The following IPO8 variants were observed in gnomAD, a reference collection of about 807,000 sequenced individuals.
IPO8 encodes importin 8.
In IPO8, 65 loss-of-function variants were observed where a neutral mutation model predicts 141.2. The observed-to-expected ratio is 0.46, with a 90% CI of 0.38 to 0.57. The LOEUF (loss-of-function observed/expected upper bound fraction) is 0.57. Among genes scored for constraint, IPO8 ranks in the 20% least tolerant of loss-of-function variants. The pLI is 0.00. For missense variants in IPO8, 980 were observed against 1,246.8 expected (o/e 0.79, Z 3.22); for synonymous variants, 411 against 420.3 (o/e 0.98, Z 0.27).
At position 30,629,888 on chromosome 12, in the gene IPO8, C is replaced by G. The variant is rs892585606; in HGVS notation, c.*972G>C. The G allele has an allele frequency of 2.6e-5, 4 of 152,104 alleles. No individual in the cohort carries two copies. Among genetic ancestry groups the G allele is most frequent in the Non-Finnish European group, 5.9e-5 (4 of 68,004 alleles). The allele number at this position is 152,104 out of a possible 1,614,324, so 9.4% of individuals were successfully genotyped here. A position where few individuals can be genotyped will look rare whatever the true frequency, so the allele number is the denominator to read the frequency against. The stretch of plus-strand genomic sequence containing the variant: ...AAAATATTATAAAATGCTTTGGACC[C>G]TAGTCCAACATAGCTGGAATGATAA... On this transcript the variant is annotated 3_prime_UTR_variant, in exon 25 of 25. Transcript: ENST00000256079.
intron 20 of IPO8, among the ~76,000 whole-genome samples, chr12:30,644,372 T>TTA (rs1555113701): frequency 6.9e-6 from 1 of 145,122 alleles, no homozygotes; most frequent in African/African-American, 2.6e-5. Context: ...CAATCTCCAT[T>TTA]AAAAAAAAAA....
At chr12:30,691,715 C>A (rs116174760) in intron 1 of IPO8, among the ~76,000 whole-genome samples, 2,385 of 152,300 alleles carry the variant, frequency 0.016, 62 homozygotes, top group African/African-American at 0.054. Context: ...CCTTTCAATA[C>A]ACAGCTAGGT....
chr12:30,671,226 T>C (rs2053044051), intron 8 of IPO8, 130 bp from the exon 9 acceptor site: 1 of 609,462 alleles, frequency 1.6e-6, no homozygotes, highest in Non-Finnish European at 2.9e-6. Context: ...AAAATCAATG[T>C]TTTGTAAGAA....
chr12:30,690,794 A>AT (rs964044802), intron 1 of IPO8, among the ~76,000 whole-genome samples: 8 of 152,180 alleles, frequency 5.3e-5, no homozygotes, highest in South Asian at 2.1e-4. Flanking sequence ...CATTTTTATG[A>AT]TTTTTTTTAA....
chr12:30,666,145 G>A, intron 11 of IPO8, 30 bp downstream of exon 11: 5 of 1,390,666 alleles, frequency 3.6e-6, no homozygotes, highest in Non-Finnish European at 5.0e-6. Context: ...CCACCTTTCA[G>A]TTTTGGATTT....
At chr12:30,650,978 A>C (rs2052719135) in intron 19 of IPO8, among the ~76,000 whole-genome samples, 1 of 152,090 alleles carries the variant, frequency 6.6e-6, no homozygotes, top group South Asian at 2.1e-4. Context: ...AGAATTCGAC[A>C]AATATTAGCT....
In IPO8 at chr12:30,665,112, C is replaced by CT. The variant is rs553607165; in HGVS notation, c.1428+107dup. On this transcript the variant is annotated intron_variant, in intron 13 of 24. Transcript: ENST00000256079. ...CCATAGGCAGACATTCTAATTGACT[C>CT]TATTTCATCTCAATATGTGGCAAAA... 2.7e-4 allele frequency: 179 copies of CT among 656,254 alleles called. 1 individual carries two copies. In the South Asian group the frequency reaches 3.4e-3, roughly 12 times the overall value. The allele number at this position is 656,254 out of a possible 1,614,324, so 40.7% of individuals were successfully genotyped here.
chr12:30,644,385 G>T (rs1335819988), intron 20 of IPO8, among the ~76,000 whole-genome samples: 2 of 146,130 alleles, frequency 1.4e-5, no homozygotes, highest in Non-Finnish European at 1.5e-5. Context: ...AAAAAAAAAG[G>T]TTTTTAAATA....
intron 20 of IPO8, among the ~76,000 whole-genome samples, chr12:30,643,701 T>C (rs1450295498): frequency 6.6e-6 from 1 of 152,144 alleles, no homozygotes; most frequent in South Asian, 2.1e-4. Flanking sequence ...CCCATGAGAG[T>C]AGGTTGTTAT....
rs746597216 is a variant in IPO8, at chr12:30,630,818, T to G, written c.*42A>C. The G allele has an allele frequency of 6.6e-7, 1 of 1,507,010 alleles. No homozygotes were observed. Among genetic ancestry groups the G allele is most frequent in the Non-Finnish European group, 9.2e-7 (1 of 1,085,598 alleles). 93.4% of individuals were successfully genotyped at this position (1,507,010 alleles called of 1,614,324 possible). On this transcript the variant is annotated 3_prime_UTR_variant, in exon 25 of 25. Coordinates refer to ENST00000256079, the MANE Select transcript of IPO8 (RefSeq NM_006390.4). ...TGACCCTCACACTCCTCTTGTGAAA[T>G]AAAATGCAGCGATGACATTTGGTCA...
At chr12:30,649,324 A>G in intron 19 of IPO8, 92 bp from the exon 20 acceptor site, 2 of 842,582 alleles carry the variant, frequency 2.4e-6, no homozygotes, top group Non-Finnish European at 3.7e-6. Context: ...AAATTCAGCC[A>G]TAGGAACCAC....
intron 2 of IPO8, among the ~76,000 whole-genome samples, chr12:30,684,808 A>C (rs2053223564): frequency 6.6e-6 from 1 of 152,204 alleles, no homozygotes; most frequent in Non-Finnish European, 1.5e-5. Context: ...ACTTTCCTTC[A>C]TGAAGATGGC....
intron 16 of IPO8, among the ~76,000 whole-genome samples, chr12:30,657,556 ATAT>A (rs2052818200): frequency 6.6e-6 from 1 of 152,166 alleles, no homozygotes; most frequent in Admixed American, 6.5e-5. Flanking sequence ...CCCTTCACAC[ATAT>A]TATGTGTGCA....
At chr12:30,694,923 G>A (rs1006234347) in intron 1 of IPO8, 2 of 452,310 alleles carry the variant, frequency 4.4e-6, no homozygotes, top group South Asian at 3.1e-5. Context: ...ACGGAGAAAA[G>A]AAAGAAGTCT....
intron 2 of IPO8, among the ~76,000 whole-genome samples, chr12:30,685,500 TTGTGTG>T (rs112645384): frequency 1.8e-4 from 27 of 148,660 alleles, no homozygotes; most frequent in African/African-American, 4.4e-4. Context: ...ACTTATAATG[TTGTGTG>T]TGTGTGTGTG....
At chr12:30,680,678 CA>C in intron 4 of IPO8, 40 bp from the exon 5 acceptor site, 1 of 1,511,318 alleles carries the variant, frequency 6.6e-7, no homozygotes, top group Non-Finnish European at 9.0e-7. Flanking sequence ...TAATTTTTCC[CA>C]CCCAAAGAAC....
At chr12:30,662,652 C>T (rs776317583) in intron 14 of IPO8, 165 bp from the exon 15 acceptor site, 9 of 649,010 alleles carry the variant, frequency 1.4e-5, no homozygotes, top group Non-Finnish European at 1.9e-5. Context: ...ATAATGTTCA[C>T]CAATATATCA....
Position 30,630,789 on chromosome 12 carries a change from C to T in IPO8, c.*71G>A. On this transcript the variant is annotated 3_prime_UTR_variant, in exon 25 of 25. Coordinates refer to ENST00000256079, the MANE Select transcript of IPO8 (RefSeq NM_006390.4). ...CCTAAAAGCAGCCCCTCATTTCATC[C>T]CCTTGACCCTCACACTCCTCTTGTG... 7.9e-7 allele frequency: 1 copy of T among 1,263,428 alleles called. No individual in the cohort carries two copies. The highest frequency in any genetic ancestry group is 1.2e-5 in the South Asian group (1 of 80,048). 78.3% of individuals were successfully genotyped at this position (1,263,428 alleles called of 1,614,324 possible). A position where few individuals can be genotyped will look rare whatever the true frequency, so the allele number is the denominator to read the frequency against.
rs2052417086 is a variant in IPO8, at chr12:30,630,563, A to G, written c.*297T>C. ...GCAAAAACCTGAGACGTGCAAGTCT[A>G]TCCAATCCTCTAAAACAACCTTGGG... On this transcript the variant is annotated 3_prime_UTR_variant, in exon 25 of 25. Transcript: ENST00000256079. The G allele has an allele frequency of 5.8e-6, 2 of 343,748 alleles. No individual in the cohort carries two copies. The highest frequency in any genetic ancestry group is 5.2e-6 in the Non-Finnish European group (1 of 191,900). 21.3% of individuals were successfully genotyped at this position (343,748 alleles called of 1,614,324 possible).
Sources: allele counts gnomAD v4.1 joint callset (sites outside exome capture counted in the v4.1 genomes callset), GRCh38; gene constraint gnomAD v4.1.1; transcripts MANE v1.5; gene names NCBI Gene and HGNC (gene_info 2026-07-23, HGNC 2026-07-21).